The following ARL14EP variants were observed in gnomAD, a reference collection of about 807,000 sequenced individuals.
The protein encoded by ARL14EP is ARL14 effector protein.
Under a neutral mutation model 23.1 loss-of-function variants are expected in ARL14EP, and 12 were observed. The ratio of observed to expected loss-of-function variants is 0.52; its 90% CI spans 0.33 to 0.84. The LOEUF (loss-of-function observed/expected upper bound fraction) is 0.84. Ranked by LOEUF, ARL14EP falls within the 40% of genes least tolerant of loss-of-function variation. The probability of loss-of-function intolerance (pLI) is 0.02; values close to 1 mark genes in which losing one functional copy is unlikely to be tolerated. For synonymous variants in ARL14EP, 97 were observed against 102.0 expected (o/e 0.95, Z 0.29); for missense variants, 253 against 307.3 (o/e 0.82, Z 1.32).
At chr11:30,331,814 A>G in intron 2 of ARL14EP, 1 of 989,736 alleles carries the variant, frequency 1.0e-6, no homozygotes, top group Non-Finnish European at 1.2e-6. Flanking sequence ...ACTTACAGTA[A>G]TTGTTTTTTA....
At chr11:30,324,924 G>T (rs1338280955) in intron 1 of ARL14EP, among the ~76,000 whole-genome samples, 1 of 152,134 alleles carries the variant, frequency 6.6e-6, no homozygotes, top group Non-Finnish European at 1.5e-5. Context: ...CTGTATTTAG[G>T]CACTAAAGTA....
chr11:30,331,457 T>G, intron 2 of ARL14EP, 83 bp downstream of exon 2: 6 of 1,587,554 alleles, frequency 3.8e-6, no homozygotes, highest in Non-Finnish European at 8.6e-7. Flanking sequence ...CATATTTACA[T>G]TATTACTAAA....
At chr11:30,332,022 C>T (rs1490883689) in intron 2 of ARL14EP, among the ~76,000 whole-genome samples, 10 of 151,728 alleles carry the variant, frequency 6.6e-5, no homozygotes, top group African/African-American at 2.2e-4. Flanking sequence ...ATTGACATGC[C>T]TACATGCATA....
At chr11:30,328,279 C>T (rs1947256948) in intron 1 of ARL14EP, 1 of 151,900 alleles carries the variant, frequency 6.6e-6, no homozygotes. Context: ...CATATAGCTG[C>T]ACTACCACAC....
At chr11:30,334,443 T>G (rs1369825465) in intron 3 of ARL14EP, among the ~76,000 whole-genome samples, 1 of 152,066 alleles carries the variant, frequency 6.6e-6, no homozygotes, top group Non-Finnish European at 1.5e-5. Flanking sequence ...CTCGATCTCC[T>G]GCCCTCGTGA....
chr11:30,337,040 A>G lies in ARL14EP; in HGVS notation c.*245A>G, dbSNP rs1484610792. ...ACAAGTAGGGTGTAGGCAGTCCTCT[A>G]TTTGCATGTTTCCCATGGGCACAAA... On this transcript the variant is annotated 3_prime_UTR_variant, in exon 4 of 4. Coordinates refer to ENST00000282032, the MANE Select transcript of ARL14EP (RefSeq NM_152316.3). 1.7e-5 allele frequency: 8 copies of G among 457,340 alleles called. No individual in the cohort carries two copies. Among genetic ancestry groups the G allele is most frequent in the South Asian group, 8.0e-5 (3 of 37,608 alleles). The allele number at this position is 457,340 out of a possible 1,614,324, so 28.3% of individuals were successfully genotyped here.
chr11:30,332,755 G>T, intron 2 of ARL14EP, 111 bp from the exon 3 acceptor site: 1 of 1,358,824 alleles, frequency 7.4e-7, no homozygotes, highest in Admixed American at 2.0e-5. Context: ...TTTTTTGTGT[G>T]TTCCAGACTG....
Position 30,331,087 on chromosome 11 carries a change from G to A in ARL14EP, c.139G>A (p.Gly47Arg). The change falls in exon 2 of 4, where the codon GGA (glycine) becomes AGA (arginine). Residue 47 changes from glycine (G) to arginine (R), a missense_variant. By Grantham distance (125) the Gly-to-Arg change is moderately radical. Coordinates refer to ENST00000282032, the MANE Select transcript of ARL14EP (RefSeq NM_152316.3). ...TATGCTTTTACTTCAACTTAGAACTGGAATGACACTTTCTGGGAACAATAC... is the reference window on the plus strand; with the variant it reads ...TATGCTTTTACTTCAACTTAGAACTAGAATGACACTTTCTGGGAACAATAC... Reference protein sequence around the residue: ...NDMLLLQLRTGMTLSGNNTIC... With the variant: ...NDMLLLQLRTRMTLSGNNTIC... The A allele has an allele frequency of 6.2e-7, 1 of 1,613,872 alleles. No homozygotes were observed. Among genetic ancestry groups the A allele is most frequent in the Non-Finnish European group, 8.5e-7 (1 of 1,179,842 alleles).
chr11:30,323,930 A>C (rs1031377415), intron 1 of ARL14EP, among the ~76,000 whole-genome samples: 1 of 152,176 alleles, frequency 6.6e-6, no homozygotes, highest in Non-Finnish European at 1.5e-5. Flanking sequence ...ACTTGAACCA[A>C]ATCTTTTCAA....
chr11:30,337,097 G>A lies in ARL14EP; in HGVS notation c.*302G>A, dbSNP rs982551580. ...TGACCTAGATTTAGTTTAAATACCA[G>A]TTTCCTTACCAGGAAGGAAAGAAAA... On this transcript the variant is annotated 3_prime_UTR_variant, in exon 4 of 4. Transcript: ENST00000282032. 1 of 328,510 alleles carries A rather than the reference G, an allele frequency of 3.0e-6. No homozygotes were observed. Among genetic ancestry groups the A allele is most frequent in the African/African-American group, 2.1e-5 (1 of 46,766 alleles). 20.3% of individuals were successfully genotyped at this position (328,510 alleles called of 1,614,324 possible). A position where few individuals can be genotyped will look rare whatever the true frequency, so the allele number is the denominator to read the frequency against.
chr11:30,330,818 C>A, intron 1 of ARL14EP, 68 bp from the exon 2 acceptor site: 2 of 843,430 alleles, frequency 2.4e-6, no homozygotes, highest in Non-Finnish European at 3.8e-6. Context: ...TGAATTTTAT[C>A]AAATGCTTTT....
At chr11:30,333,331 T>G (rs1248770346) in intron 3 of ARL14EP, among the ~76,000 whole-genome samples, 1 of 152,202 alleles carries the variant, frequency 6.6e-6, no homozygotes, top group Non-Finnish European at 1.5e-5. Context: ...CACTTTATTC[T>G]TTACAAGGTG....
chr11:30,328,252 C>G (rs1947256686), intron 1 of ARL14EP: 1 of 151,814 alleles, frequency 6.6e-6, no homozygotes, highest in Non-Finnish European at 1.5e-5. Context: ...TCAAGCGATT[C>G]TCATGCCTCA....
rs530952541 is a variant in ARL14EP at position 30,337,956 on chromosome 11, T to C, written c.*1161T>C. The C allele has an allele frequency of 1.1e-4, 16 of 152,354 alleles. No homozygotes were observed. The highest frequency in any genetic ancestry group is 3.8e-4 in the African/African-American group (16 of 41,590). The allele number at this position is 152,354 out of a possible 1,614,324, so 9.4% of individuals were successfully genotyped here. The stretch of plus-strand genomic sequence containing the variant: ...ATTTATAACTGGTCTTAAGAGTTTT[T>C]AATATTTGAGCAGAACCTTAAAGGT... On this transcript the variant is annotated 3_prime_UTR_variant, in exon 4 of 4. Transcript: ENST00000282032.
chr11:30,331,397 T>G (rs1565009099), intron 2 of ARL14EP, 23 bp downstream of exon 2: 1 of 1,613,484 alleles, frequency 6.2e-7, no homozygotes, highest in Non-Finnish European at 8.5e-7. Context: ...GTCATTTTTT[T>G]CTACATTGTG....
intron 2 of ARL14EP, among the ~76,000 whole-genome samples, chr11:30,332,334 A>G (rs77055031): frequency 0.047 from 7,087 of 151,218 alleles, 244 homozygotes; most frequent in Non-Finnish European, 0.072. Flanking sequence ...TATCTATCCA[A>G]TGTTCTTGTA....
Position 30,332,866 on chromosome 11 carries a change from G to A in ARL14EP, c.427G>A (p.Gly143Arg), listed in dbSNP as rs1233621771. Reference protein sequence around the residue: ...DRQKRKPESDGRTAKALRSLQ... With the variant: ...DRQKRKPESDRRTAKALRSLQ... ...TGATAATTTGTTTACCTTTCTTCAG[G>A]GAAGAACTGCTAAAGCTTTGAGGTC... The change falls in exon 3 of 4, where the codon GGA becomes AGA. Residue 143 changes from glycine (G) to arginine (R), a missense_variant and splice_region_variant. Gly to Arg is a moderately radical substitution (Grantham distance 125, BLOSUM62 -2). Coordinates refer to ENST00000282032, the MANE Select transcript of ARL14EP (RefSeq NM_152316.3). The A allele has an allele frequency of 1.2e-6, 2 of 1,612,760 alleles. No individual in the cohort carries two copies. The highest frequency in any genetic ancestry group is 4.5e-5 in the East Asian group (2 of 44,784).
Position 30,331,141 on chromosome 11 carries a change from A to G in ARL14EP, c.193A>G (p.Ile65Val), listed in dbSNP as rs768536604. The change falls in exon 2 of 4, where the codon ATT (isoleucine) becomes GTT (valine). Residue 65 changes from isoleucine to valine, a missense_variant. Coordinates refer to ENST00000282032, the MANE Select transcript of ARL14EP (RefSeq NM_152316.3). ...TICFHHVKIY[I>V]DRFEDLQKSC... ...TTGCTTTCATCATGTAAAAATTTAC[A>G]TTGACAGATTTGAGGATTTACAGAA... 1 of 1,613,968 alleles carries G rather than the reference A, an allele frequency of 6.2e-7. No individual in the cohort carries two copies. Among genetic ancestry groups the G allele is most frequent in the Admixed American group, 1.7e-5 (1 of 60,024 alleles).
chr11:30,331,047 A>G lies in ARL14EP; in HGVS notation c.99A>G (p.Glu33=). The G allele has an allele frequency of 6.2e-7, 1 of 1,613,910 alleles. No homozygotes were observed. The highest frequency in any genetic ancestry group is 8.5e-7 in the Non-Finnish European group (1 of 1,179,816). The change falls in exon 2 of 4, where the codon GAA becomes GAG. Residue 33 remains glutamate, a synonymous_variant. Transcript: ENST00000282032. ...ACACAGGTTTTAAGACTTTGCAAGA[A>G]TTGTCATCAAATGATATGCTTTTAC... ...TRHTGFKTLQ[E]LSSNDMLLLQ...
Sources: gnomAD v4.1 joint callset for allele counts (sites outside exome capture counted in the v4.1 genomes callset) on GRCh38, gnomAD v4.1.1 for gene constraint, MANE v1.5 for transcripts, NCBI Gene and HGNC (gene_info 2026-07-23, HGNC 2026-07-21) for gene names.